Variants in CD200R1 observed in about 807,000 individuals in gnomAD.
The protein encoded by CD200R1 is CD200 receptor 1.
Under a neutral mutation model 38.1 loss-of-function variants are expected in CD200R1, and 30 were observed. The ratio of observed to expected loss-of-function variants is 0.79; its 90% CI spans 0.59 to 1.07. The LOEUF (loss-of-function observed/expected upper bound fraction) is 1.07. Ranked by LOEUF, CD200R1 falls within the 50% of genes least tolerant of loss-of-function variation. The pLI is 0.00. For missense variants in CD200R1, 372 were observed against 415.4 expected (o/e 0.90, Z 0.91); for synonymous variants, 128 against 152.1 (o/e 0.84, Z 1.16).
chr3:112,931,059 C>T (rs1310938175), intron 3 of CD200R1, 47 bp downstream of exon 3: 2 of 1,369,742 alleles, frequency 1.5e-6, no homozygotes, highest in East Asian at 2.3e-5. Flanking sequence ...TAAGGAAGTT[C>T]AACTTTCCAT....
intron 2 of CD200R1, among the ~76,000 whole-genome samples, chr3:112,935,680 C>G (rs1167086733): frequency 6.6e-6 from 1 of 151,924 alleles, no homozygotes; most frequent in Non-Finnish European, 1.5e-5. Flanking sequence ...GGAAGAAAAC[C>G]AGGAATAAAC....
rs1288816512 is a variant in CD200R1, at chr3:112,922,023, G to A, written c.*1654C>T. 2 of 151,994 alleles carry A rather than the reference G, an allele frequency of 1.3e-5. No individual in the cohort carries two copies. Among genetic ancestry groups the A allele is most frequent in the Non-Finnish European group, 2.9e-5 (2 of 67,948 alleles). 9.4% of individuals were successfully genotyped at this position (151,994 alleles called of 1,614,324 possible). ...GAACATTGCTTGGTAATATTTATAT[G>A]CAGAAACCTAATGGACACTGCTTTT... is the stretch of plus-strand genomic sequence containing the variant. On this transcript the variant is annotated 3_prime_UTR_variant, in exon 8 of 8. Coordinates refer to ENST00000308611, the MANE Select transcript of CD200R1 (RefSeq NM_138806.4).
intron 2 of CD200R1, among the ~76,000 whole-genome samples, chr3:112,945,741 G>A (rs535075052): frequency 4.6e-5 from 7 of 152,276 alleles, no homozygotes; most frequent in South Asian, 4.2e-4. Context: ...TCTACTCTGT[G>A]AAAAATTTCT....
chr3:112,946,950 T>TAA (rs11393196), intron 2 of CD200R1, among the ~76,000 whole-genome samples: 3,343 of 150,444 alleles, frequency 0.022, 41 homozygotes, highest in South Asian at 0.048. Context: ...TATTCAGTAC[T>TAA]AAAAAAAAAG....
chr3:112,941,652 T>A (rs1194472869), intron 2 of CD200R1, among the ~76,000 whole-genome samples: 1 of 151,376 alleles, frequency 6.6e-6, no homozygotes, highest in Non-Finnish European at 1.5e-5. Context: ...ATGAAAAAAA[T>A]AAGAAATACT....
chr3:112,964,446 T>C (rs1156762370), intron 1 of CD200R1, among the ~76,000 whole-genome samples: 5 of 152,226 alleles, frequency 3.3e-5, no homozygotes, highest in Non-Finnish European at 7.3e-5. Context: ...TGCATCAGCA[T>C]GACCTGGATG....
chr3:112,927,043 G>T lies in CD200R1; in HGVS notation c.769+1773C>A, dbSNP rs181450777. Among the ~76,000 whole-genome samples, 21 of 152,158 alleles carry T rather than the reference G, an allele frequency of 1.4e-4. No individual in the cohort carries two copies. The East Asian group carries it at 3.7e-3, about 27-fold the overall frequency. ...GAAATTTTGTCTTGAGAACAGGCAG[G>T]TTCCCTTGTCTCCTGCTCCATTTTA... On this transcript the variant is annotated intron_variant, in intron 5 of 7. Coordinates refer to ENST00000308611, the MANE Select transcript of CD200R1 (RefSeq NM_138806.4).
Position 112,932,501 on chromosome 3 carries a change from G to A in CD200R1, c.137-1330C>T, listed in dbSNP as rs190139879. ...ATCCTCACCCAGGGCCTGGGAAACA[G>A]TCCTGTGCCTCCTCCCCAACAAACA... On this transcript the variant is annotated intron_variant, in intron 2 of 7. Transcript: ENST00000308611. Among the ~76,000 whole-genome samples the A allele has an allele frequency of 3.9e-5, 6 of 152,114 alleles. No homozygotes were observed. The East Asian group carries it at 9.7e-4, about 24-fold the overall frequency.
intron 3 of CD200R1, 93 bp downstream of exon 3, chr3:112,931,013 A>C: frequency 1.1e-6 from 1 of 877,112 alleles, no homozygotes; most frequent in South Asian, 1.4e-5. Context: ...AGTAGTCATA[A>C]GGCTGGCTTC....
intron 1 of CD200R1, among the ~76,000 whole-genome samples, chr3:112,959,731 C>T (rs1559955716): frequency 6.6e-6 from 1 of 152,006 alleles, no homozygotes; most frequent in African/African-American, 2.4e-5. Flanking sequence ...TTCAATAAGT[C>T]TCAAAGTTTC....
intron 1 of CD200R1, among the ~76,000 whole-genome samples, chr3:112,964,934 T>C (rs919348519): frequency 3.9e-5 from 6 of 152,232 alleles, no homozygotes; most frequent in African/African-American, 7.2e-5. Context: ...TCATGAGATC[T>C]GATGGTTTTA....
At chr3:112,948,591 G>C (rs1940913666) in intron 1 of CD200R1, among the ~76,000 whole-genome samples, 1 of 152,180 alleles carries the variant, frequency 6.6e-6, no homozygotes, top group African/African-American at 2.4e-5. Flanking sequence ...CAACTGATCT[G>C]ACAAGAGGTG....
chr3:112,958,180 A>G (rs1413850414), intron 1 of CD200R1, among the ~76,000 whole-genome samples: 1 of 152,184 alleles, frequency 6.6e-6, no homozygotes, highest in Non-Finnish European at 1.5e-5. Context: ...AGACTTATGC[A>G]TAAATGTTCA....
rs1017253051 is a variant in CD200R1, at chr3:112,968,620, A to G, written c.67+6171T>C. Among the ~76,000 whole-genome samples the G allele has an allele frequency of 7.9e-5, 12 of 152,322 alleles. No homozygotes were observed. In the South Asian group the frequency reaches 2.1e-3, roughly 26 times the overall value. ...TGATACCACATTAGGCAGCTACTCT[A>G]ATGGAAAGCCCACAGTTTTCTGAAG... On this transcript the variant is annotated intron_variant, in intron 1 of 7. Transcript: ENST00000308611.
chr3:112,936,828 G>GT (rs1485298009), intron 2 of CD200R1, among the ~76,000 whole-genome samples: 2 of 152,032 alleles, frequency 1.3e-5, no homozygotes, highest in Non-Finnish European at 2.9e-5. Flanking sequence ...GTCAATTTTT[G>GT]TTTTTGTTGA....
rs140435171 is a variant in CD200R1 at position 112,957,071 on chromosome 3, C to A, written c.68-9147G>T. Among the ~76,000 whole-genome samples the A allele has an allele frequency of 1.3e-3, 204 of 152,244 alleles. 10 individuals are homozygous for A. In the East Asian group the frequency reaches 0.032, roughly 24 times the overall value. On this transcript the variant is annotated intron_variant, in intron 1 of 7. Coordinates refer to ENST00000308611, the MANE Select transcript of CD200R1 (RefSeq NM_138806.4). The stretch of plus-strand genomic sequence containing the variant: ...CAGAGTTGGGGTCCAAGGCAAAGTT[C>A]TATGTTTATTTCCCCTCTTTCCCCC...
At chr3:112,965,151 T>C (rs183230308) in intron 1 of CD200R1, among the ~76,000 whole-genome samples, 1 of 151,464 alleles carries the variant, frequency 6.6e-6, no homozygotes, top group East Asian at 1.9e-4. Flanking sequence ...AAAGAGGAGG[T>C]TTCAAGACAG....
chr3:112,971,666 A>T (rs1933312720), intron 1 of CD200R1, among the ~76,000 whole-genome samples: 4 of 152,142 alleles, frequency 2.6e-5, no homozygotes, highest in Admixed American at 2.6e-4. Flanking sequence ...TTTCCTGTTC[A>T]CCAAAGAACA....
At chr3:112,941,164 G>T (rs190395302) in intron 2 of CD200R1, among the ~76,000 whole-genome samples, 1 of 151,800 alleles carries the variant, frequency 6.6e-6, no homozygotes, top group East Asian at 1.9e-4. Flanking sequence ...GTAAGGGAAA[G>T]GGGGGAATAG....
Sources: gnomAD v4.1 joint callset for allele counts (sites outside exome capture counted in the v4.1 genomes callset) on GRCh38, gnomAD v4.1.1 for gene constraint, MANE v1.5 for transcripts, NCBI Gene and HGNC (gene_info 2026-07-23, HGNC 2026-07-21) for gene names.